CYP3A5: variants seen among roughly 807,000 people sequenced by gnomAD.
The protein encoded by CYP3A5 is cytochrome P450 family 3 subfamily A member 5.
Under a neutral mutation model 55.9 loss-of-function variants are expected in CYP3A5, and 51 were observed. The ratio of observed to expected loss-of-function variants is 0.91; its 90% CI spans 0.73 to 1.15. The LOEUF (loss-of-function observed/expected upper bound fraction) is 1.15, where lower values mean the gene tolerates loss of function less well. Ranked by LOEUF, CYP3A5 falls within the 50% of genes most tolerant of loss-of-function variation. CYP3A5 has a pLI of 0.00. For synonymous variants in CYP3A5, 196 were observed against 213.9 expected, an observed-to-expected ratio of 0.92 and a Z score of 0.73; for missense variants, 533 against 596.6, an observed-to-expected ratio of 0.89 and a Z score of 1.11.
At chr7:99,655,360 G>C (rs1452895544) in intron 10 of CYP3A5, among the ~76,000 whole-genome samples, 1 of 152,118 alleles carries the variant, frequency 6.6e-6, no homozygotes. Context: ...GCTTGTTTTT[G>C]TCAGGTTTGT....
At chr7:99,650,940 T>A (rs1177179076) in intron 11 of CYP3A5, among the ~76,000 whole-genome samples, 1 of 152,240 alleles carries the variant, frequency 6.6e-6, no homozygotes, top group African/African-American at 2.4e-5. Flanking sequence ...TGACCCATGT[T>A]TTATTCAAAT....
chr7:99,676,067 T>C (rs1439560942), intron 2 of CYP3A5, 48 bp downstream of exon 2: 1 of 1,531,156 alleles, frequency 6.5e-7, no homozygotes, highest in Admixed American at 1.7e-5. Flanking sequence ...GGAACTAAGC[T>C]GATGTTTGCA....
At chr7:99,651,157 C>T (rs538331736) in intron 11 of CYP3A5, among the ~76,000 whole-genome samples, 4 of 152,074 alleles carry the variant, frequency 2.6e-5, no homozygotes, top group Non-Finnish European at 5.9e-5. Flanking sequence ...GGATTGATGG[C>T]TGTTGGAACC....
At chr7:99,674,343 C>T (rs954896826) in intron 3 of CYP3A5, 190 bp downstream of exon 3, 19 of 468,414 alleles carry the variant, frequency 4.1e-5, no homozygotes, top group African/African-American at 1.6e-4. Context: ...TAGTTTATAA[C>T]GGCAAGCAGA....
chr7:99,650,328 T>C, intron 11 of CYP3A5, 96 bp from the exon 12 acceptor site: 5 of 1,113,812 alleles, frequency 4.5e-6, no homozygotes, highest in African/African-American at 1.6e-5. Context: ...CCCCTCCACC[T>C]CCCAACCAGT....
intron 6 of CYP3A5, 123 bp from the exon 7 acceptor site, chr7:99,665,437 T>C: frequency 1.5e-6 from 2 of 1,350,726 alleles, no homozygotes; most frequent in Non-Finnish European, 1.0e-6. Flanking sequence ...TTCAGAACTA[T>C]CTGCTGAATC....
chr7:99,672,961 C>G (rs1811823495), intron 3 of CYP3A5: 2 of 1,133,502 alleles, frequency 1.8e-6, no homozygotes, highest in South Asian at 5.8e-5. Flanking sequence ...TTAGAAATGA[C>G]AGTAGAGCAT....
In CYP3A5 at chr7:99,662,901, AT is replaced by A. The variant is rs1247566078; in HGVS notation, c.799-20del. On this transcript the variant is annotated intron_variant, in intron 8 of 12. Transcript: ENST00000222982. This position sits in a 1 kb window ranked among gnomAD's most constrained non-coding sequence, Gnocchi z 4.3. ...GTCGGTGCTAGAAGCAAAAGGAGAG[AT>A]TTCTTTGGCAGAAAGTGACTCGTGA... The A allele has an allele frequency of 1.2e-6, 2 of 1,613,242 alleles. No individual in the cohort carries two copies. Among genetic ancestry groups the A allele is most frequent in the African/African-American group, 1.3e-5 (1 of 74,904 alleles).
intron 2 of CYP3A5, 80 bp downstream of exon 2, chr7:99,676,035 A>C: frequency 4.1e-6 from 5 of 1,233,454 alleles, no homozygotes; most frequent in Non-Finnish European, 5.9e-6. Context: ...ACTCCCTCCC[A>C]AGGAGGGGCA....
In CYP3A5 at chr7:99,668,359, G is replaced by T. The variant is rs556216720; in HGVS notation, c.319-1294C>A. 5.9e-5 allele frequency among the ~76,000 whole-genome samples: 9 copies of T among 152,318 alleles called. No homozygotes were observed. In the South Asian group the frequency reaches 1.5e-3, roughly 25 times the overall value. On this transcript the variant is annotated intron_variant, in intron 4 of 12. Transcript: ENST00000222982. ...TAAAGATATAGATTATACCCAAATT[G>T]TTCTATTGGTTTAATTCAAGCTTGT...
intron 4 of CYP3A5, among the ~76,000 whole-genome samples, chr7:99,669,341 A>G (rs990178556): frequency 6.6e-6 from 1 of 152,216 alleles, no homozygotes; most frequent in African/African-American, 2.4e-5. Context: ...AGAACTGAAA[A>G]AAAGTCTGTC....
At chr7:99,671,118 TG>T (rs1461564213) in intron 4 of CYP3A5, 1 of 4,140 alleles carries the variant, frequency 2.4e-4, no homozygotes, top group Non-Finnish European at 3.8e-4. Context: ...ACAGACCATT[TG>T]TGTGTGTGTG....
At chr7:99,660,245 T>TTTTTTTA in intron 10 of CYP3A5, 4 of 738,730 alleles carry the variant, frequency 5.4e-6, no homozygotes, top group Non-Finnish European at 6.5e-6. Context: ...TTTTTTTTTT[T>TTTTTTTA]ACTTAGCATT....
intron 10 of CYP3A5, among the ~76,000 whole-genome samples, chr7:99,654,918 G>A (rs538969718): frequency 6.6e-6 from 1 of 152,288 alleles, no homozygotes; most frequent in African/African-American, 2.4e-5. Context: ...CCCACTTGTT[G>A]ATGGGGTTGT....
chr7:99,674,305 G>A lies in CYP3A5; in HGVS notation c.218+228C>T, dbSNP rs41301655. ...CTCATATTTTCTATGGAGCATCTTT[G>A]TCTTGTTTACCTCCCTGAATTTGCA... On this transcript the variant is annotated intron_variant, in intron 3 of 12. Coordinates refer to ENST00000222982, the MANE Select transcript of CYP3A5 (RefSeq NM_000777.5). 7.7e-3 allele frequency: 3,116 copies of A among 406,144 alleles called. 79 individuals carry two copies. Among genetic ancestry groups the A allele is most frequent in the African/African-American group, 0.056 (2,729 of 48,706 alleles). The allele number at this position is 406,144 out of a possible 1,614,324, so 25.2% of individuals were successfully genotyped here.
intron 1 of CYP3A5, chr7:99,676,684 G>T: frequency 3.3e-6 from 2 of 605,632 alleles, no homozygotes; most frequent in Non-Finnish European, 5.7e-6. Flanking sequence ...TGGTGACACT[G>T]CCCTTACAAT....
At chr7:99,675,915 C>G (rs1365055428) in intron 2 of CYP3A5, among the ~76,000 whole-genome samples, 200 bp downstream of exon 2, 8 of 151,182 alleles carry the variant, frequency 5.3e-5, no homozygotes, top group Admixed American at 1.3e-4. Flanking sequence ...AGGCTGTTCT[C>G]AAACTCCTGG....
intron 4 of CYP3A5, among the ~76,000 whole-genome samples, chr7:99,667,485 G>A (rs890097441): frequency 6.6e-6 from 1 of 152,036 alleles, no homozygotes; most frequent in Non-Finnish European, 1.5e-5. Context: ...CTACAGCATG[G>A]GCAACTTGAA....
Position 99,648,417 on chromosome 7 carries a change from A to G in CYP3A5, c.1414-17T>C. 5 of 1,566,910 alleles carry G rather than the reference A, an allele frequency of 3.2e-6. No individual in the cohort carries two copies. Among genetic ancestry groups the G allele is most frequent in the Non-Finnish European group, 4.4e-6 (5 of 1,149,012 alleles). On this transcript the variant is annotated splice_polypyrimidine_tract_variant and intron_variant, in intron 12 of 12. Transcript: ENST00000222982. ...CAAGGGGATCTACAATAGTTAAACA[A>G]GCATATGGAGAATTAATAAATGAAG...
Sources: gnomAD v4.1 joint callset for allele counts (sites outside exome capture counted in the v4.1 genomes callset) on GRCh38, gnomAD v4.1.1 for gene constraint, Gnocchi (gnomAD v3.1) non-coding constraint, MANE v1.5 for transcripts, NCBI Gene and HGNC (gene_info 2026-07-23, HGNC 2026-07-21) for gene names.